Variants in POLR3A observed in about 807,000 individuals in gnomAD.
POLR3A encodes RNA polymerase III subunit A, also known as DNA-directed RNA polymerase III subunit RPC1.
Under a neutral mutation model 152.8 loss-of-function variants are expected in POLR3A, and 112 were observed. The observed-to-expected ratio is 0.73, with a 90% CI of 0.63 to 0.86. The LOEUF is 0.86. Ranked by LOEUF, POLR3A falls within the 40% of genes least tolerant of loss-of-function variation. POLR3A has a pLI of 0.00. For missense variants in POLR3A, 1,385 were observed against 1,743.1 expected, an observed-to-expected ratio of 0.79 and a Z score of 3.66; for synonymous variants, 615 against 652.1, an observed-to-expected ratio of 0.94 and a Z score of 0.87.
At chr10:78,019,677 T>C in intron 8 of POLR3A, 1 of 250,912 alleles carries the variant, frequency 4.0e-6, no homozygotes. Context: ...GAATGTGTTC[T>C]GGAACCTCTT....
intron 19 of POLR3A, among the ~76,000 whole-genome samples, chr10:77,994,462 C>T (rs1847279050): frequency 6.8e-6 from 1 of 147,740 alleles, no homozygotes; most frequent in Non-Finnish European, 1.5e-5. Context: ...GTAGTGTTGA[C>T]TTTATCTGGT....
Position 78,025,807 on chromosome 10 carries a change from A to C in POLR3A, c.181-48T>G, listed in dbSNP as rs1461220963. 3 of 1,585,006 alleles carry C rather than the reference A, an allele frequency of 1.9e-6. No homozygotes were observed. In the East Asian group the frequency reaches 6.7e-5, roughly 35 times the overall value. On this transcript the variant is annotated intron_variant, in intron 2 of 30. Coordinates refer to ENST00000372371, the MANE Select transcript of POLR3A (RefSeq NM_007055.4). Reference sequence around the variant, plus strand: ...TGATCAACACAGACTGCTGGACGGGAAAGAGTGCCCAGCCATCATGCCTGG... The same window carrying C: ...TGATCAACACAGACTGCTGGACGGGCAAGAGTGCCCAGCCATCATGCCTGG...
chr10:78,005,871 G>A (rs1272490862), intron 15 of POLR3A, among the ~76,000 whole-genome samples: 1 of 152,094 alleles, frequency 6.6e-6, no homozygotes, highest in Non-Finnish European at 1.5e-5. Flanking sequence ...AAACTGAGAG[G>A]TCCATCAACC....
At position 77,993,846 on chromosome 10, in the gene POLR3A, A is replaced by G. The variant is rs1250191961; in HGVS notation, c.2617-479T>C. On this transcript the variant is annotated intron_variant, in intron 19 of 30. Coordinates refer to ENST00000372371, the MANE Select transcript of POLR3A (RefSeq NM_007055.4). ...GAGAACAGGGACAGTATTGTGTCTG[A>G]ACCAGCAGGCAGCAATGACTTCTCA... Among the ~76,000 whole-genome samples the G allele has an allele frequency of 2.6e-5, 4 of 152,172 alleles. No homozygotes were observed. The South Asian group carries it at 6.2e-4, about 24-fold the overall frequency.
intron 19 of POLR3A, among the ~76,000 whole-genome samples, chr10:77,995,581 T>C (rs554746457): frequency 6.6e-6 from 1 of 151,860 alleles, no homozygotes; most frequent in African/African-American, 2.4e-5. Flanking sequence ...TACATAATGG[T>C]AAAGGGATCA....
Position 78,026,157 on chromosome 10 carries a change from CTT to C in POLR3A, c.115_116del (p.Lys39GlufsTer20). 1 of 1,614,246 alleles carries C rather than the reference CTT, an allele frequency of 6.2e-7. No homozygotes were observed. The highest frequency in any genetic ancestry group is 8.5e-7 in the Non-Finnish European group (1 of 1,180,038). On this transcript the variant is annotated frameshift_variant, in exon 2 of 31. Transcript: ENST00000372371. LOFTEE classifies it high-confidence loss of function. ...RQQAHIQVVS[K>X]NLYSQDNQHA... ...GTTGGTTGTCCTGGCTGTACAGGTT[CTT>C]ACTCACAACTTGGATGTGCGCCTGC...
In POLR3A at chr10:78,000,079, A is replaced by C; in HGVS notation, c.2518T>G (p.Ser840Ala). 6.2e-7 allele frequency: 1 copy of C among 1,614,110 alleles called. No homozygotes were observed. The highest frequency in any genetic ancestry group is 8.5e-7 in the Non-Finnish European group (1 of 1,179,964). The change falls in exon 19 of 31, where the codon TCC becomes GCC. Residue 840 changes from serine (S) to alanine (A), a missense_variant. Coordinates refer to ENST00000372371, the MANE Select transcript of POLR3A (RefSeq NM_007055.4). ...AAAAACTCAGTTGGTGTCAAACCGG[A>C]ATAAAAGCTATTAGCCACAAAGCCT... is the stretch of plus-strand genomic sequence containing the variant. ...AKGFVANSFYSGLTPTEFFFH... is the reference protein window; with the variant it reads ...AKGFVANSFYAGLTPTEFFFH...
chr10:77,986,001 C>T lies in POLR3A; in HGVS notation c.2989-16G>A. 1 of 1,613,478 alleles carries T rather than the reference C, an allele frequency of 6.2e-7. No individual in the cohort carries two copies. Among genetic ancestry groups the T allele is most frequent in the Non-Finnish European group, 8.5e-7 (1 of 1,179,416 alleles). On this transcript the variant is annotated splice_polypyrimidine_tract_variant and intron_variant, in intron 22 of 30. Coordinates refer to ENST00000372371, the MANE Select transcript of POLR3A (RefSeq NM_007055.4). Reference sequence around the variant, plus strand: ...GCACACGGGGCTGGGAGAATACAAGCCAAGCACAGAGTTAGGGCCAGCGGC... The same window carrying T: ...GCACACGGGGCTGGGAGAATACAAGTCAAGCACAGAGTTAGGGCCAGCGGC...
At chr10:78,020,329 T>A (rs1847566590) in intron 8 of POLR3A, among the ~76,000 whole-genome samples, 1 of 151,760 alleles carries the variant, frequency 6.6e-6, no homozygotes. Flanking sequence ...TCTAAAAAAT[T>A]TTTTTAAAAA....
chr10:77,981,563 C>T lies in POLR3A; in HGVS notation c.3760-4G>A. The T allele has an allele frequency of 6.2e-7, 1 of 1,614,002 alleles. No homozygotes were observed. Among genetic ancestry groups the T allele is most frequent in the Non-Finnish European group, 8.5e-7 (1 of 1,179,938 alleles). ...CGATGCCCAGAGTTTTCTCCACCTA[C>T]AGAGAGCCAGTAATGAGCAGAAGCA... On this transcript the variant is annotated splice_region_variant and splice_polypyrimidine_tract_variant and intron_variant, in intron 28 of 30. Coordinates refer to ENST00000372371, the MANE Select transcript of POLR3A (RefSeq NM_007055.4).
chr10:77,981,706 C>T, intron 28 of POLR3A, 147 bp from the exon 29 acceptor site: 1 of 980,240 alleles, frequency 1.0e-6, no homozygotes, highest in South Asian at 1.3e-5. Flanking sequence ...AGTTGCAGAC[C>T]CACGGCAAAT....
intron 21 of POLR3A, among the ~76,000 whole-genome samples, chr10:77,989,375 T>C (rs535878388): frequency 3.9e-5 from 6 of 152,320 alleles, no homozygotes; most frequent in Admixed American, 3.3e-4. Context: ...TGGAGAACAT[T>C]TCACGGGCTC....
At chr10:77,979,253 G>A (rs1847117491) in intron 30 of POLR3A, among the ~76,000 whole-genome samples, 1 of 152,256 alleles carries the variant, frequency 6.6e-6, no homozygotes, top group Admixed American at 6.5e-5. Context: ...AGAGCAGGAG[G>A]TGAGAGAGCA....
intron 19 of POLR3A, among the ~76,000 whole-genome samples, chr10:77,995,071 A>T (rs1226517657): frequency 6.6e-6 from 1 of 152,216 alleles, no homozygotes; most frequent in Non-Finnish European, 1.5e-5. Flanking sequence ...AAGCTTCATA[A>T]GTGAAGGAGA....
intron 5 of POLR3A, among the ~76,000 whole-genome samples, chr10:78,022,995 T>TA (rs1847594697): frequency 1.3e-5 from 2 of 150,716 alleles, no homozygotes; most frequent in South Asian, 4.2e-4. Context: ...TCGTCTCTAC[T>TA]AAAAATACAA....
intron 23 of POLR3A, 106 bp from the exon 24 acceptor site, chr10:77,985,446 G>T: frequency 1.1e-6 from 1 of 896,946 alleles, no homozygotes; most frequent in Non-Finnish European, 1.9e-6. Context: ...GAATATAGAT[G>T]CTATTAGGGT....
intron 11 of POLR3A, among the ~76,000 whole-genome samples, chr10:78,012,363 T>C (rs1847474633): frequency 7.0e-6 from 1 of 142,168 alleles, no homozygotes; most frequent in Non-Finnish European, 1.5e-5. Flanking sequence ...AAACTCCGTC[T>C]CAAACAAACA....
chr10:78,007,646 C>T, intron 15 of POLR3A, 56 bp downstream of exon 15: 3 of 1,466,146 alleles, frequency 2.0e-6, no homozygotes, highest in South Asian at 2.3e-5. Flanking sequence ...TAACGTAAAC[C>T]CTTAAGACTC....
At chr10:78,002,776 G>C (rs1055709896) in intron 16 of POLR3A, among the ~76,000 whole-genome samples, 1 of 152,114 alleles carries the variant, frequency 6.6e-6, no homozygotes, top group Non-Finnish European at 1.5e-5. Flanking sequence ...GGCCTCAAGG[G>C]ATCTTCCTGC....
Sources: allele counts gnomAD v4.1 joint callset (sites outside exome capture counted in the v4.1 genomes callset), GRCh38; gene constraint gnomAD v4.1.1; transcripts MANE v1.5; gene names NCBI Gene and HGNC (gene_info 2026-07-23, HGNC 2026-07-21).